SORCS2: variants seen among roughly 807,000 people sequenced by gnomAD.
The protein encoded by SORCS2 is VPS10 domain-containing receptor SorCS2.
In SORCS2, 100 loss-of-function variants were observed where a neutral mutation model predicts 141.6. The observed-to-expected ratio is 0.71, with a 90% CI of 0.60 to 0.83. SORCS2 has a LOEUF of 0.83. Ranked by LOEUF, SORCS2 falls within the 40% of genes least tolerant of loss-of-function variation. The probability of loss-of-function intolerance (pLI) is 0.00; values close to 1 mark genes in which losing one functional copy is unlikely to be tolerated. For synonymous variants in SORCS2, 789 were observed against 676.9 expected (o/e 1.17, Z -2.57); for missense variants, 1,646 against 1,560.2 (o/e 1.05, Z -0.93).
intron 2 of SORCS2, among the ~76,000 whole-genome samples, chr4:7,479,950 G>A (rs772197744): frequency 7.9e-5 from 12 of 152,234 alleles, no homozygotes; most frequent in Admixed American, 7.2e-4. Context: ...CCAGCCCTGG[G>A]CGCCATTTAT....
At chr4:7,564,042 C>G (rs1714783907) in intron 3 of SORCS2, among the ~76,000 whole-genome samples, 1 of 152,226 alleles carries the variant, frequency 6.6e-6, no homozygotes, top group African/African-American at 2.4e-5. Context: ...GCAAAAGAAG[C>G]CTGCCAGGGA....
chr4:7,336,171 G>A (rs6816581), intron 1 of SORCS2, among the ~76,000 whole-genome samples: 50,290 of 152,162 alleles, frequency 0.33, 8,870 homozygotes, highest in East Asian at 0.53. Context: ...CTGAGGCCCC[G>A]CTGCCCCTGC....
chr4:7,324,562 A>C (rs1053692981), intron 1 of SORCS2, among the ~76,000 whole-genome samples: 4 of 152,196 alleles, frequency 2.6e-5, no homozygotes, highest in African/African-American at 9.6e-5. Context: ...CTCTCCCGGC[A>C]CACTTTAATT....
chr4:7,218,600 G>A (rs2108756618), intron 1 of SORCS2, among the ~76,000 whole-genome samples: 1 of 152,318 alleles, frequency 6.6e-6, no homozygotes, highest in Non-Finnish European at 1.5e-5. Context: ...TGTATGGGAT[G>A]GAAACAGGAC....
Position 7,671,695 on chromosome 4 carries a change from G to A in SORCS2, c.1162-4355G>A, listed in dbSNP as rs760967690. 5.3e-5 allele frequency among the ~76,000 whole-genome samples: 8 copies of A among 152,220 alleles called. No individual in the cohort carries two copies. In the South Asian group the frequency reaches 1.0e-3, roughly 20 times the overall value. On this transcript the variant is annotated intron_variant, in intron 8 of 26. Transcript: ENST00000507866. ...GAAAGAATAAGGATTGAAAGTGAAC[G>A]CAGTCTATGGGAGCTTTTGGACATC...
chr4:7,531,207 G>A (rs1560361159), intron 2 of SORCS2, among the ~76,000 whole-genome samples: 1 of 152,360 alleles, frequency 6.6e-6, no homozygotes, highest in African/African-American at 2.4e-5. Context: ...GATGCATGTG[G>A]TAACCTAGAG....
chr4:7,203,939 C>T (rs1577271630), intron 1 of SORCS2, among the ~76,000 whole-genome samples: 1 of 152,230 alleles, frequency 6.6e-6, no homozygotes, highest in Non-Finnish European at 1.5e-5. Context: ...TGGTTTATTT[C>T]ACTCAGCATG....
intron 1 of SORCS2, among the ~76,000 whole-genome samples, chr4:7,247,166 G>C (rs1266534844): frequency 6.6e-6 from 1 of 152,216 alleles, no homozygotes; most frequent in African/African-American, 2.4e-5. Context: ...CAAGACCCCA[G>C]GTGTGGCAGG....
intron 1 of SORCS2, among the ~76,000 whole-genome samples, chr4:7,229,341 C>T (rs577577882): frequency 6.6e-6 from 1 of 152,272 alleles, no homozygotes; most frequent in East Asian, 1.9e-4. Flanking sequence ...AGCCCCTCTC[C>T]CTGGGAGGAT....
At position 7,656,140 on chromosome 4, in the gene SORCS2, C is replaced by A. The variant is rs576311939; in HGVS notation, c.887+1933C>A. Among the ~76,000 whole-genome samples the A allele has an allele frequency of 2.0e-5, 3 of 152,214 alleles. No homozygotes were observed. In the South Asian group the frequency reaches 6.2e-4, roughly 31 times the overall value. ...GAGCTCTTTGTCCTTGAACTGACAG[C>A]GGGAATTGCCAAAGCCCCGTGTTCT... is the stretch of plus-strand genomic sequence containing the variant. On this transcript the variant is annotated intron_variant, in intron 5 of 26. Coordinates refer to ENST00000507866, the MANE Select transcript of SORCS2 (RefSeq NM_020777.3).
At chr4:7,627,361 A>G (rs1222133937) in intron 3 of SORCS2, among the ~76,000 whole-genome samples, 1 of 152,200 alleles carries the variant, frequency 6.6e-6, no homozygotes, top group Non-Finnish European at 1.5e-5. Context: ...GCCAGGCCTT[A>G]CATATCCCTA....
At chr4:7,611,455 C>T (rs998867554) in intron 3 of SORCS2, among the ~76,000 whole-genome samples, 1 of 152,172 alleles carries the variant, frequency 6.6e-6, no homozygotes, top group African/African-American at 2.4e-5. Context: ...GACTGCCCAG[C>T]ACGGTGCCCA....
intron 2 of SORCS2, among the ~76,000 whole-genome samples, chr4:7,459,481 C>T (rs1300197343): frequency 2.6e-5 from 4 of 152,122 alleles, no homozygotes; most frequent in Non-Finnish European, 5.9e-5. Flanking sequence ...TTCCTCTCTC[C>T]CAGGTGGACG....
At chr4:7,336,575 A>T (rs1156698856) in intron 1 of SORCS2, among the ~76,000 whole-genome samples, 2 of 78,432 alleles carry the variant, frequency 2.5e-5, no homozygotes, top group South Asian at 9.0e-4. Flanking sequence ...TGGGGTTTCT[A>T]GGGTCCCAGG....
intron 2 of SORCS2, among the ~76,000 whole-genome samples, chr4:7,477,693 C>T (rs1730388576): frequency 6.6e-6 from 1 of 152,144 alleles, no homozygotes; most frequent in Non-Finnish European, 1.5e-5. Context: ...AGACAAATGG[C>T]CGTGAGATGA....
At chr4:7,713,665 C>G (rs1019706086) in intron 15 of SORCS2, among the ~76,000 whole-genome samples, 1 of 152,090 alleles carries the variant, frequency 6.6e-6, no homozygotes, top group South Asian at 2.1e-4. Flanking sequence ...ATAGGGAGGG[C>G]GATCGGATAT....
chr4:7,430,275 GAGAC>G (rs1726744116), intron 2 of SORCS2: 5 of 147,396 alleles, frequency 3.4e-5, no homozygotes, highest in Middle Eastern at 3.5e-3. Flanking sequence ...AAAAAAAAAA[GAGAC>G]AGAGAGAGAG....
chr4:7,365,277 A>G (rs1195182889), intron 1 of SORCS2, among the ~76,000 whole-genome samples: 1 of 152,184 alleles, frequency 6.6e-6, no homozygotes, highest in East Asian at 1.9e-4. Context: ...TGCTGTCAGC[A>G]GAGCTGGAGG....
intron 25 of SORCS2, among the ~76,000 whole-genome samples, chr4:7,736,459 C>G (rs758454893): frequency 1.3e-5 from 2 of 152,210 alleles, no homozygotes; most frequent in Non-Finnish European, 2.9e-5. Context: ...GTCTCAGTCC[C>G]CTCATCTGTG....
Sources: allele counts gnomAD v4.1 joint callset (sites outside exome capture counted in the v4.1 genomes callset), GRCh38; gene constraint gnomAD v4.1.1; transcripts MANE v1.5; gene names NCBI Gene and HGNC (gene_info 2026-07-23, HGNC 2026-07-21).